The following NUP85 variants were observed in gnomAD, a reference collection of about 807,000 sequenced individuals.
NUP85 encodes nuclear pore complex protein Nup85.
Under a neutral mutation model 92.8 loss-of-function variants are expected in NUP85, and 23 were observed. That is an observed-to-expected ratio of 0.25 (90% CI 0.18 to 0.35). The LOEUF (loss-of-function observed/expected upper bound fraction) is 0.35. NUP85 is among the 10% of genes least tolerant of loss of function. The pLI, the probability that NUP85 is intolerant of heterozygous loss-of-function variation, is 1.00. For synonymous variants in NUP85, 314 were observed against 306.9 expected (o/e 1.02, Z -0.24); for missense variants, 759 against 822.8 (o/e 0.92, Z 0.95).
chr17:75,213,985 C>T (rs1342966954), intron 5 of NUP85, among the ~76,000 whole-genome samples: 1 of 150,800 alleles, frequency 6.6e-6, no homozygotes, highest in Non-Finnish European at 1.5e-5. Context: ...CATTCTCCTG[C>T]CTCAGCCTCC....
At chr17:75,215,474 T>G (rs2145299346) in intron 5 of NUP85, among the ~76,000 whole-genome samples, 1 of 152,354 alleles carries the variant, frequency 6.6e-6, no homozygotes, top group South Asian at 2.1e-4. Context: ...CCTCCCAAAG[T>G]GCTGGGATTA....
In NUP85 at chr17:75,231,828, C is replaced by T; in HGVS notation, c.1245C>T (p.Ser415=). Residue 415 remains serine, a splice_region_variant and synonymous_variant, in exon 14 of 19, where the codon AGC becomes AGT. Transcript: ENST00000245544. This position sits in a 1 kb window ranked among gnomAD's most constrained non-coding sequence, Gnocchi z 4.6. ...GTCTGTCCTCCTCGAACCTTTGCAG[C>T]CTGTGGCAGCTGGGGGTCGATTACT... ...EYASGLFAHP[S]LWQLGVDYFD... is the part of the protein sequence containing the mutation. The T allele has an allele frequency of 6.2e-7, 1 of 1,613,976 alleles. No individual in the cohort carries two copies. The highest frequency in any genetic ancestry group is 1.1e-5 in the South Asian group (1 of 91,052).
chr17:75,232,612 C>T (rs971254435), intron 14 of NUP85, among the ~76,000 whole-genome samples: 6 of 152,110 alleles, frequency 3.9e-5, no homozygotes, highest in South Asian at 2.1e-4. Flanking sequence ...TTTTGCTCCC[C>T]TTGAAGCCAC....
intron 16 of NUP85, 86 bp from the exon 17 acceptor site, chr17:75,234,551 G>T (rs963073687): frequency 4.2e-6 from 6 of 1,434,846 alleles, no homozygotes; most frequent in African/African-American, 1.4e-5. Context: ...TTCTTCTCCT[G>T]TTTAGGGCCA....
intron 5 of NUP85, among the ~76,000 whole-genome samples, chr17:75,213,360 C>G (rs1459925065): frequency 6.6e-6 from 1 of 150,376 alleles, no homozygotes; most frequent in Non-Finnish European, 1.5e-5. Flanking sequence ...GAGTCTTGCT[C>G]TGTCACCCAG....
At chr17:75,213,213 G>A (rs2075326438) in intron 5 of NUP85, 94 bp downstream of exon 5, 7 of 1,086,260 alleles carry the variant, frequency 6.4e-6, no homozygotes, top group Non-Finnish European at 9.7e-6. Flanking sequence ...TATGGCAGAA[G>A]TCTCTTCTTT....
In NUP85 at chr17:75,234,728, C is replaced by T; in HGVS notation, c.1707C>T (p.Ala569=). The change falls in exon 17 of 19, where the codon GCC becomes GCT. Residue 569 remains alanine, a synonymous_variant. Coordinates refer to ENST00000245544, the MANE Select transcript of NUP85 (RefSeq NM_024844.5). ...LLLSLMTSRI[A]PRSFWMTLLT... is the part of the protein sequence containing the mutation. ...TGTCCTTGATGACGTCTCGGATTGCCCCTCGGTCTTTCTGGATGACTCTGC... is the reference window on the plus strand; with the variant it reads ...TGTCCTTGATGACGTCTCGGATTGCTCCTCGGTCTTTCTGGATGACTCTGC... The T allele has an allele frequency of 5.6e-6, 9 of 1,614,174 alleles. No individual in the cohort carries two copies. The highest frequency in any genetic ancestry group is 7.6e-6 in the Non-Finnish European group (9 of 1,180,016).
intron 3 of NUP85, among the ~76,000 whole-genome samples, chr17:75,211,328 G>C (rs1235722530): frequency 6.6e-6 from 1 of 151,714 alleles, no homozygotes; most frequent in Non-Finnish European, 1.5e-5. Context: ...AGGGACTCTA[G>C]TGGAGAATAT....
In NUP85 at chr17:75,214,469, C is replaced by T. The variant is rs186955363; in HGVS notation, c.406-1285C>T. ...TCCTTTGAATACCAGCTTCACAATT[C>T]TTGCTCTGTCTACGTGTTTCATGTC... On this transcript the variant is annotated intron_variant, in intron 5 of 18. Transcript: ENST00000245544. 7.7e-3 allele frequency among the ~76,000 whole-genome samples: 1,176 copies of T among 152,290 alleles called. 4 individuals are homozygous for T. Among genetic ancestry groups the T allele is most frequent in the Non-Finnish European group, 0.013 (861 of 68,028 alleles).
At chr17:75,224,036 G>A (rs1035149261) in intron 7 of NUP85, among the ~76,000 whole-genome samples, 1 of 151,686 alleles carries the variant, frequency 6.6e-6, no homozygotes, top group Non-Finnish European at 1.5e-5. Context: ...TAGCAATTTT[G>A]TTTTATTTTG....
At chr17:75,225,588 G>A (rs2075762306) in intron 9 of NUP85, 110 bp from the exon 10 acceptor site, 2 of 1,572,368 alleles carry the variant, frequency 1.3e-6, no homozygotes, top group Non-Finnish European at 1.7e-6. Context: ...CCGTGATGGC[G>A]AGAGCTTTCA....
In NUP85 at chr17:75,233,136, C is replaced by T. The variant is rs778844148; in HGVS notation, c.1593C>T (p.Leu531=). The change falls in exon 16 of 19, where the codon CTC becomes CTT. Residue 531 remains leucine, a synonymous_variant. Coordinates refer to ENST00000245544, the MANE Select transcript of NUP85 (RefSeq NM_024844.5). ...ACAACCTGGGGCCAGCCATGATGCT[C>T]AGTGACCGACTGACATTCCTGGGTG... is the stretch of plus-strand genomic sequence containing the variant. The part of the protein sequence containing the change: ...LIDNLGPAMM[L]SDRLTFLGKY... The T allele has an allele frequency of 1.2e-6, 2 of 1,614,102 alleles. No homozygotes were observed. Among genetic ancestry groups the T allele is most frequent in the East Asian group, 4.5e-5 (2 of 44,876 alleles).
rs1055998108 is a variant in NUP85, at chr17:75,232,130, T to C, written c.1396+151T>C. 46 of 771,986 alleles carry C rather than the reference T, an allele frequency of 6.0e-5. No homozygotes were observed. In the African/African-American group the frequency reaches 7.7e-4, roughly 13 times the overall value. 47.8% of individuals were successfully genotyped at this position (771,986 alleles called of 1,614,324 possible). On this transcript the variant is annotated intron_variant, in intron 14 of 18. Transcript: ENST00000245544. ...GGACGCCAAGAGGTAAACTAAGAGA[T>C]GGGATAATTACTTGGGAGGGACAGG... is the stretch of plus-strand genomic sequence containing the variant.
At chr17:75,217,665 C>T (rs2075472132) in intron 6 of NUP85, among the ~76,000 whole-genome samples, 1 of 152,094 alleles carries the variant, frequency 6.6e-6, no homozygotes, top group Admixed American at 6.6e-5. Context: ...CGCCACCACG[C>T]CCGGCTAATT....
Position 75,231,626 on chromosome 17 carries a change from T to G in NUP85, c.1232T>G (p.Phe411Cys). Reference protein sequence around the residue: ...FLLLEYASGLFAHPSLWQLGV... With the variant: ...FLLLEYASGLCAHPSLWQLGV... ...CTGCTGGAGTACGCCTCGGGACTGT[T>G]TGCTCATCCCAGGTAGGAAGGACCC... Residue 411 changes from phenylalanine to cysteine, a missense_variant, in exon 13 of 19, where the codon TTT (phenylalanine) becomes TGT (cysteine). Physicochemically the swap from Phe to Cys is radical, Grantham distance 205 (BLOSUM62 -2). Coordinates refer to ENST00000245544, the MANE Select transcript of NUP85 (RefSeq NM_024844.5). The surrounding 1 kb of genome is among the most constrained non-coding windows in gnomAD (Gnocchi z 4.6). 1 of 1,614,198 alleles carries G rather than the reference T, an allele frequency of 6.2e-7. No homozygotes were observed. Among genetic ancestry groups the G allele is most frequent in the African/African-American group, 1.3e-5 (1 of 75,052 alleles).
intron 2 of NUP85, among the ~76,000 whole-genome samples, chr17:75,209,428 G>A (rs1270553201): frequency 6.7e-6 from 1 of 148,640 alleles, no homozygotes; most frequent in Non-Finnish European, 1.5e-5. Context: ...CTGGAATCTT[G>A]ACATTTGATT....
chr17:75,228,705 GTTTC>G (rs764257962), intron 11 of NUP85: 531 of 985,372 alleles, frequency 5.4e-4, no homozygotes, highest in Non-Finnish European at 5.8e-4. Flanking sequence ...TAGAAAAAAG[GTTTC>G]TTTCTTTTTT....
chr17:75,231,277 C>A lies in NUP85; in HGVS notation c.1095-63C>A. The A allele has an allele frequency of 4.6e-6, 7 of 1,520,794 alleles. No individual in the cohort carries two copies. Among genetic ancestry groups the A allele is most frequent in the Non-Finnish European group, 6.4e-6 (7 of 1,096,028 alleles). 94.2% of individuals were successfully genotyped at this position (1,520,794 alleles called of 1,614,324 possible). Reference sequence around the variant, plus strand: ...ACATGTGGGGTTTCTTGCTCACCCCCACTCTTGTGGGACGCGGCCTGTGCC... The same window carrying A: ...ACATGTGGGGTTTCTTGCTCACCCCAACTCTTGTGGGACGCGGCCTGTGCC... On this transcript the variant is annotated intron_variant, in intron 11 of 18. Coordinates refer to ENST00000245544, the MANE Select transcript of NUP85 (RefSeq NM_024844.5). This position sits in a 1 kb window ranked among gnomAD's most constrained non-coding sequence, Gnocchi z 4.6.
intron 17 of NUP85, 147 bp from the exon 18 acceptor site, chr17:75,234,953 C>T (rs1187312290): frequency 9.4e-7 from 1 of 1,061,794 alleles, no homozygotes; most frequent in East Asian, 2.4e-5. Context: ...AGGAAACAAA[C>T]ACTGCTTGAT....
Sources: gnomAD v4.1 joint callset for allele counts (sites outside exome capture counted in the v4.1 genomes callset) on GRCh38, gnomAD v4.1.1 for gene constraint, Gnocchi (gnomAD v3.1) non-coding constraint, MANE v1.5 for transcripts, NCBI Gene and HGNC (gene_info 2026-07-23, HGNC 2026-07-21) for gene names.